Variants in TENM1 observed in about 807,000 individuals in gnomAD.
TENM1 encodes teneurin transmembrane protein 1.
Under a neutral mutation model 174.8 loss-of-function variants are expected in TENM1, and 35 were observed. The ratio of observed to expected loss-of-function variants is 0.20; its 90% CI spans 0.15 to 0.27. TENM1 has a LOEUF of 0.27. TENM1 is among the 10% of genes least tolerant of loss of function. TENM1 has a pLI of 1.00. For missense variants in TENM1, 1,633 were observed against 2,130.1 expected, an observed-to-expected ratio of 0.77 and a Z score of 4.59; for synonymous variants, 781 against 798.7, an observed-to-expected ratio of 0.98 and a Z score of 0.37.
At chrX:124,438,382 T>C (rs138824864) in intron 23 of TENM1, among the ~76,000 whole-genome samples, 3,492 of 110,210 alleles carry the variant, frequency 0.032, 85 homozygotes, top group East Asian at 0.16. Flanking sequence ...ATCTTAGATA[T>C]TTCTGTATCT....
At chrX:124,982,448 A>G in the TENM1 span, among the ~76,000 whole-genome samples, 1 of 111,260 alleles carries the variant, frequency 9.0e-6, no homozygotes, top group Non-Finnish European at 1.9e-5. Flanking sequence ...AATCTTCGCA[A>G]GAGTGTCTAC....
intron 3 of TENM1, among the ~76,000 whole-genome samples, chrX:124,763,942 G>A (rs764231920): frequency 1.8e-5 from 2 of 112,355 alleles, no homozygotes; most frequent in South Asian, 7.3e-4. Flanking sequence ...GGGAAAAACT[G>A]TTGCTGGTAC....
intron 25 of TENM1, among the ~76,000 whole-genome samples, chrX:124,407,844 A>AAAT (rs1213126985): frequency 2.7e-5 from 3 of 112,905 alleles, no homozygotes; most frequent in African/African-American, 9.7e-5. Flanking sequence ...CTTAGATGTT[A>AAAT]AATTGGGTGT....
chrX:125,034,440 G>A, the TENM1 span, among the ~76,000 whole-genome samples: 1 of 111,030 alleles, frequency 9.0e-6, no homozygotes, highest in Non-Finnish European at 1.9e-5. Flanking sequence ...AAGTACCAGG[G>A]GAAATAATAA....
At chrX:125,034,889 G>C in the TENM1 span, among the ~76,000 whole-genome samples, 4 of 111,305 alleles carry the variant, frequency 3.6e-5, no homozygotes, top group Admixed American at 1.9e-4. Flanking sequence ...GCCTGTTTAC[G>C]GGCAAGGAGA....
intron 3 of TENM1, among the ~76,000 whole-genome samples, chrX:124,893,789 A>T (rs1480578311): frequency 9.1e-6 from 1 of 109,991 alleles, no homozygotes; most frequent in Non-Finnish European, 1.9e-5. Context: ...GAGAATGAAC[A>T]TTTTTTTTTC....
At chrX:124,966,844 T>C (rs1173596242), upstream of TENM1, among the ~76,000 whole-genome samples, 1 of 111,941 alleles carries the variant, frequency 8.9e-6, no homozygotes, top group Non-Finnish European at 1.9e-5. Context: ...TTCATTGCTA[T>C]ATGATTCAGA....
chrX:124,954,358 C>A (rs1406468361), intron 1 of TENM1, among the ~76,000 whole-genome samples: 1 of 111,223 alleles, frequency 9.0e-6, no homozygotes, highest in Non-Finnish European at 1.9e-5. Flanking sequence ...CCACTATAAA[C>A]CTCCCTCCTC....
intron 1 of TENM1, among the ~76,000 whole-genome samples, chrX:124,956,067 T>A (rs5956715): frequency 0.028 from 3,091 of 111,904 alleles, 118 homozygotes; most frequent in African/African-American, 0.096. Flanking sequence ...AGAATCCATT[T>A]AAAGTGCCTT....
chrX:124,916,142 T>C (rs930334387), intron 1 of TENM1, among the ~76,000 whole-genome samples: 1 of 111,535 alleles, frequency 9.0e-6, no homozygotes, highest in Non-Finnish European at 1.9e-5. Context: ...AAAAAACCAT[T>C]GTTTTACCCC....
At chrX:125,053,436 C>T in the TENM1 span, among the ~76,000 whole-genome samples, 1 of 112,267 alleles carries the variant, frequency 8.9e-6, no homozygotes, top group Non-Finnish European at 1.9e-5. Flanking sequence ...GCAATTTTCT[C>T]ATTCGTAAAA....
intron 19 of TENM1, among the ~76,000 whole-genome samples, chrX:124,501,011 G>T (rs2047317038): frequency 9.0e-6 from 1 of 111,246 alleles, no homozygotes; most frequent in Non-Finnish European, 1.9e-5. Context: ...TAAGTTAAAA[G>T]AAATTCTTTA....
At chrX:125,194,839 C>T in the TENM1 span, among the ~76,000 whole-genome samples, 2 of 111,760 alleles carry the variant, frequency 1.8e-5, no homozygotes, top group Non-Finnish European at 3.8e-5. Flanking sequence ...ATGTGATTCT[C>T]CATATTCTCT....
chrX:124,671,847 C>G lies in TENM1; in HGVS notation c.1016-12G>C. The G allele has an allele frequency of 8.3e-7, 1 of 1,206,009 alleles. No homozygotes were observed. Among genetic ancestry groups the G allele is most frequent in the Non-Finnish European group, 1.1e-6 (1 of 892,615 alleles). ...GAACAAATGCACTGCTGCAAGAGAA[C>G]AAGCCATACATTAATTTATTCCAGA... On this transcript the variant is annotated splice_polypyrimidine_tract_variant and intron_variant, in intron 5 of 31. Coordinates refer to ENST00000422452, the Ensembl canonical transcript of TENM1.
intron 3 of TENM1, among the ~76,000 whole-genome samples, chrX:124,868,351 C>A (rs1398341950): frequency 1.8e-5 from 2 of 111,353 alleles, no homozygotes; most frequent in Non-Finnish European, 3.8e-5. Flanking sequence ...TCATTTTTGA[C>A]AAGGGTGCCA....
chrX:125,171,769 A>G, the TENM1 span, among the ~76,000 whole-genome samples: 1 of 111,502 alleles, frequency 9.0e-6, no homozygotes, highest in Non-Finnish European at 1.9e-5. Flanking sequence ...ATAAATTTCT[A>G]TTGTTTATAA....
chrX:124,534,383 T>C (rs2048166332), intron 15 of TENM1, among the ~76,000 whole-genome samples: 2 of 112,216 alleles, frequency 1.8e-5, no homozygotes, highest in Non-Finnish European at 3.8e-5. Flanking sequence ...TCTTCCCTTA[T>C]TTGTTGTCTT....
intron 30 of TENM1, among the ~76,000 whole-genome samples, 182 bp downstream of exon 33, chrX:124,383,452 T>C (rs2060183640): frequency 1.8e-5 from 2 of 112,013 alleles, no homozygotes; most frequent in South Asian, 7.4e-4. Flanking sequence ...GCAAAAGTAT[T>C]ATATGTTAAC....
chrX:125,001,077 G>GT, the TENM1 span, among the ~76,000 whole-genome samples: 193 of 104,625 alleles, frequency 1.8e-3, 1 homozygote, highest in East Asian at 4.5e-3. Flanking sequence ...GGGTGACCTT[G>GT]TTTTTTTTTT....
Sources: allele counts gnomAD v4.1 joint callset (sites outside exome capture counted in the v4.1 genomes callset), GRCh38; gene constraint gnomAD v4.1.1; transcripts MANE v1.5; gene names NCBI Gene and HGNC (gene_info 2026-07-23, HGNC 2026-07-21).